Variants in NKAIN2 observed in about 807,000 individuals in gnomAD.
The protein encoded by NKAIN2 is sodium/potassium transporting ATPase interacting 2.
Under a neutral mutation model 32.6 loss-of-function variants are expected in NKAIN2, and 14 were observed. The observed-to-expected ratio is 0.43, with a 90% confidence interval of 0.28 to 0.67. The LOEUF (loss-of-function observed/expected upper bound fraction) is 0.67, where lower values mean the gene tolerates loss of function less well. Among genes scored for constraint, NKAIN2 ranks in the 30% least tolerant of loss-of-function variants. NKAIN2 has a pLI of 0.17. For missense variants in NKAIN2, 198 were observed against 258.3 expected, an observed-to-expected ratio of 0.77 and a Z score of 1.60; for synonymous variants, 80 against 87.2, an observed-to-expected ratio of 0.92 and a Z score of 0.46.
intron 1 of NKAIN2, among the ~76,000 whole-genome samples, chr6:124,129,308 T>A (rs976285797): frequency 2.6e-5 from 4 of 152,046 alleles, no homozygotes; most frequent in African/African-American, 9.7e-5. Context: ...GGAAAATTGG[T>A]TTATGTAACT....
At chr6:123,951,921 G>A (rs1777345609) in intron 1 of NKAIN2, among the ~76,000 whole-genome samples, 1 of 149,330 alleles carries the variant, frequency 6.7e-6, no homozygotes, top group Non-Finnish European at 1.5e-5. Context: ...TATCTGTACA[G>A]TCTGGCGGTT....
intron 3 of NKAIN2, among the ~76,000 whole-genome samples, chr6:124,512,247 C>G (rs1448461214): frequency 6.6e-6 from 1 of 152,136 alleles, no homozygotes. Flanking sequence ...CAATGGCACC[C>G]AAATACACCA....
chr6:124,703,943 G>A (rs1774924206), intron 4 of NKAIN2, among the ~76,000 whole-genome samples: 1 of 151,624 alleles, frequency 6.6e-6, no homozygotes, highest in Admixed American at 6.6e-5. Context: ...TGAAATGTAT[G>A]TCTCTAGAAA....
intron 3 of NKAIN2, among the ~76,000 whole-genome samples, chr6:124,500,517 A>T (rs573853925): frequency 3.3e-5 from 5 of 151,948 alleles, no homozygotes; most frequent in Non-Finnish European, 7.4e-5. Flanking sequence ...AGCTGGGCGC[A>T]ATTGCTCATG....
chr6:124,661,052 C>T (rs1189938189), intron 4 of NKAIN2, among the ~76,000 whole-genome samples: 1 of 152,090 alleles, frequency 6.6e-6, no homozygotes, highest in Non-Finnish European at 1.5e-5. Flanking sequence ...TTCCTCAGTG[C>T]TTGTCTCCTT....
chr6:123,945,272 A>T (rs139213528), intron 1 of NKAIN2, among the ~76,000 whole-genome samples: 1 of 152,054 alleles, frequency 6.6e-6, no homozygotes, highest in Non-Finnish European at 1.5e-5. Flanking sequence ...GCTACTTCCA[A>T]TGTTGAGGCT....
intron 4 of NKAIN2, among the ~76,000 whole-genome samples, chr6:124,706,518 G>T (rs965244611): frequency 6.6e-6 from 1 of 150,634 alleles, no homozygotes; most frequent in Non-Finnish European, 1.5e-5. Flanking sequence ...AAAAAAGATT[G>T]AATCAAGTCC....
intron 1 of NKAIN2, among the ~76,000 whole-genome samples, chr6:123,988,750 C>G (rs1779274447): frequency 6.6e-6 from 1 of 152,072 alleles, no homozygotes; most frequent in Admixed American, 6.6e-5. Flanking sequence ...GCTAATAATA[C>G]AGTGTCTTAT....
At chr6:124,678,696 G>A (rs1219501470) in intron 4 of NKAIN2, among the ~76,000 whole-genome samples, 1 of 152,018 alleles carries the variant, frequency 6.6e-6, no homozygotes, top group Non-Finnish European at 1.5e-5. Flanking sequence ...ACCATAGTTT[G>A]GAGTTCATTT....
intron 1 of NKAIN2, among the ~76,000 whole-genome samples, chr6:124,230,586 G>T (rs1792395461): frequency 1.3e-5 from 2 of 152,172 alleles, no homozygotes; most frequent in Non-Finnish European, 2.9e-5. Context: ...GGGTCCCAAT[G>T]CTGTTTGCAG....
At chr6:124,448,572 A>G (rs1008200494) in intron 3 of NKAIN2, among the ~76,000 whole-genome samples, 4 of 152,134 alleles carry the variant, frequency 2.6e-5, no homozygotes, top group African/African-American at 9.7e-5. Context: ...CAATCTCCCT[A>G]TGAGCCTGTT....
chr6:124,244,131 G>A (rs1054990654), intron 1 of NKAIN2, among the ~76,000 whole-genome samples: 4 of 150,086 alleles, frequency 2.7e-5, no homozygotes, highest in Non-Finnish European at 5.9e-5. Context: ...GGGTACATGT[G>A]CACATTGTGC....
chr6:123,880,595 T>C (rs1582703980), intron 1 of NKAIN2, among the ~76,000 whole-genome samples: 1 of 152,206 alleles, frequency 6.6e-6, no homozygotes, highest in East Asian at 1.9e-4. Flanking sequence ...AATAATAGTT[T>C]GGGCCTTAAT....
rs559822051 is a variant in NKAIN2 at position 124,218,271 on chromosome 6, G to A, written c.55-64734G>A. Among the ~76,000 whole-genome samples, 122 of 152,166 alleles carry A rather than the reference G, an allele frequency of 8.0e-4. 2 individuals are homozygous for A. The highest frequency in any genetic ancestry group is 1.3e-3 in the Non-Finnish European group (90 of 67,974). On this transcript the variant is annotated intron_variant, in intron 1 of 6. Coordinates refer to ENST00000368417, the MANE Select transcript of NKAIN2 (RefSeq NM_001040214.3). Reference sequence around the variant, plus strand: ...CATAGAGCATGGAACTTGTTTTGGCGCGTGCGTGGAGTATTTTTAATGAAA... The same window carrying A: ...CATAGAGCATGGAACTTGTTTTGGCACGTGCGTGGAGTATTTTTAATGAAA...
chr6:124,033,488 T>G (rs770204134), intron 1 of NKAIN2, among the ~76,000 whole-genome samples: 1 of 152,134 alleles, frequency 6.6e-6, no homozygotes, highest in Admixed American at 6.6e-5. Context: ...ATCAATTATA[T>G]CTCACAGTTA....
At chr6:124,187,951 C>T (rs1789825260) in intron 1 of NKAIN2, among the ~76,000 whole-genome samples, 2 of 152,268 alleles carry the variant, frequency 1.3e-5, no homozygotes, top group South Asian at 4.2e-4. Flanking sequence ...GAAACACTCT[C>T]AAAATGAAAT....
chr6:124,018,310 G>A (rs1417771458), intron 1 of NKAIN2, among the ~76,000 whole-genome samples: 3 of 152,148 alleles, frequency 2.0e-5, no homozygotes, highest in Admixed American at 6.5e-5. Context: ...GCCTGTGATA[G>A]GAGAGGCTGC....
chr6:123,940,445 A>C (rs747216518), intron 1 of NKAIN2, among the ~76,000 whole-genome samples: 1 of 151,914 alleles, frequency 6.6e-6, no homozygotes, highest in African/African-American at 2.4e-5. Context: ...GTGTTGTGAC[A>C]TGATTTTGTC....
At position 124,396,505 on chromosome 6, in the gene NKAIN2, G is replaced by C. The variant is rs550994743; in HGVS notation, c.273+41158G>C. ...GTCTGTCACCTAGATTTGATGAAGG[G>C]CATCGGCTGACTAGTAGAGATACAT... is the stretch of plus-strand genomic sequence containing the variant. On this transcript the variant is annotated intron_variant, in intron 3 of 6. Coordinates refer to ENST00000368417, the MANE Select transcript of NKAIN2 (RefSeq NM_001040214.3). 4.6e-5 allele frequency among the ~76,000 whole-genome samples: 7 copies of C among 151,844 alleles called. No individual in the cohort carries two copies. In the South Asian group the frequency reaches 1.2e-3, roughly 27 times the overall value.
Sources: gnomAD v4.1 joint callset for allele counts (sites outside exome capture counted in the v4.1 genomes callset) on GRCh38, gnomAD v4.1.1 for gene constraint, MANE v1.5 for transcripts, NCBI Gene and HGNC (gene_info 2026-07-23, HGNC 2026-07-21) for gene names.